PPFIA2: variants seen among roughly 807,000 people sequenced by gnomAD.
The protein encoded by PPFIA2 is liprin-alpha-2.
Under a neutral mutation model 175.5 loss-of-function variants are expected in PPFIA2, and 46 were observed. The observed-to-expected ratio is 0.26, with a 90% CI of 0.21 to 0.34. The LOEUF is 0.34. Among genes scored for constraint, PPFIA2 ranks in the 10% least tolerant of loss-of-function variants. PPFIA2 has a pLI of 1.00. For synonymous variants in PPFIA2, 568 were observed against 511.4 expected, an observed-to-expected ratio of 1.11 and a Z score of -1.49; for missense variants, 1,179 against 1,506.1, an observed-to-expected ratio of 0.78 and a Z score of 3.60.
chr12:81,688,499 A>T (rs2074750842), intron 3 of PPFIA2, among the ~76,000 whole-genome samples: 1 of 151,842 alleles, frequency 6.6e-6, no homozygotes. Flanking sequence ...ATCTGACACA[A>T]AATGCAAACA....
intron 3 of PPFIA2, among the ~76,000 whole-genome samples, chr12:81,692,385 A>AAT (rs1460139217): frequency 1.3e-5 from 2 of 152,126 alleles, no homozygotes; most frequent in African/African-American, 4.8e-5. Context: ...TCCTACCCAC[A>AAT]GATATTATGA....
chr12:81,566,672 A>G (rs1220420023), intron 4 of PPFIA2, among the ~76,000 whole-genome samples: 17 of 152,132 alleles, frequency 1.1e-4, no homozygotes. Context: ...CACATTTTTC[A>G]AGTTTCCGTA....
chr12:81,268,165 G>A (rs2037944688), intron 28 of PPFIA2, 78 bp from the exon 29 acceptor site: 3 of 991,426 alleles, frequency 3.0e-6, no homozygotes, highest in Admixed American at 3.4e-5. Context: ...TTGAGACGGA[G>A]ACTCGCTCTG....
intron 4 of PPFIA2, among the ~76,000 whole-genome samples, chr12:81,564,686 C>T (rs991590019): frequency 2.0e-5 from 3 of 152,122 alleles, no homozygotes; most frequent in Non-Finnish European, 4.4e-5. Flanking sequence ...TGACCCTATA[C>T]CTAATACCTT....
chr12:81,647,820 T>A (rs1246077461), intron 4 of PPFIA2, among the ~76,000 whole-genome samples: 1 of 141,012 alleles, frequency 7.1e-6, no homozygotes, highest in Non-Finnish European at 1.5e-5. Context: ...TACTATAAAA[T>A]ATATAGTATA....
At chr12:81,560,978 A>G (rs2069936112) in intron 4 of PPFIA2, among the ~76,000 whole-genome samples, 1 of 152,162 alleles carries the variant, frequency 6.6e-6, no homozygotes, top group Non-Finnish European at 1.5e-5. Flanking sequence ...TTTTAAATCA[A>G]TGAGCTTTGT....
At chr12:81,427,044 T>G (rs965715483) in intron 7 of PPFIA2, among the ~76,000 whole-genome samples, 6 of 152,168 alleles carry the variant, frequency 3.9e-5, no homozygotes, top group African/African-American at 1.2e-4. Flanking sequence ...ATTAATTGAT[T>G]GAATACATGC....
At chr12:81,692,146 G>A (rs1458012996) in intron 3 of PPFIA2, among the ~76,000 whole-genome samples, 2 of 135,504 alleles carry the variant, frequency 1.5e-5, no homozygotes, top group Admixed American at 7.5e-5. Flanking sequence ...AACCTGTCTG[G>A]GGGAAGTTGC....
At chr12:81,736,891 T>TC (rs2081648168) in intron 3 of PPFIA2, among the ~76,000 whole-genome samples, 2 of 151,868 alleles carry the variant, frequency 1.3e-5, no homozygotes, top group Admixed American at 6.6e-5. Context: ...TACAGACATG[T>TC]ACCACCACAC....
Position 81,262,963 on chromosome 12 carries a change from C to T in PPFIA2, c.3715+268G>A, listed in dbSNP as rs147427243. ...AAGACTAAAGAAACACAAATCCTGC[C>T]GATGTTTATTGTTCCTCCTAGAGGT... On this transcript the variant is annotated intron_variant, in intron 31 of 32. Transcript: ENST00000549396. Among the ~76,000 whole-genome samples, 342 of 152,234 alleles carry T rather than the reference C, an allele frequency of 2.2e-3. 1 individual carries two copies. The highest frequency in any genetic ancestry group is 7.8e-3 in the African/African-American group (325 of 41,542).
chr12:81,285,259 GT>G (rs1310476397), intron 24 of PPFIA2, among the ~76,000 whole-genome samples: 1 of 151,956 alleles, frequency 6.6e-6, no homozygotes, highest in Non-Finnish European at 1.5e-5. Flanking sequence ...ACATTGCAAG[GT>G]TTTCCAAGCA....
intron 4 of PPFIA2, among the ~76,000 whole-genome samples, chr12:81,550,797 C>A (rs1220643380): frequency 1.3e-5 from 2 of 151,684 alleles, no homozygotes; most frequent in African/African-American, 2.4e-5. Context: ...AGGGGGAAGA[C>A]CAGTGGACTA....
chr12:81,591,829 A>G (rs2058709582), intron 4 of PPFIA2, among the ~76,000 whole-genome samples: 1 of 152,134 alleles, frequency 6.6e-6, no homozygotes, highest in Non-Finnish European at 1.5e-5. Context: ...GTCCTCATGG[A>G]GAACCTCTGC....
At chr12:81,612,810 G>A (rs1201746142) in intron 4 of PPFIA2, among the ~76,000 whole-genome samples, 1 of 152,164 alleles carries the variant, frequency 6.6e-6, no homozygotes, top group Non-Finnish European at 1.5e-5. Flanking sequence ...GTATGTATAT[G>A]TGTGAACATT....
intron 22 of PPFIA2, among the ~76,000 whole-genome samples, chr12:81,318,205 A>C (rs897051008): frequency 1.3e-5 from 2 of 151,638 alleles, no homozygotes. Flanking sequence ...GTGTCATCTC[A>C]CTAGTATGGT....
At chr12:81,334,992 T>C (rs551351332) in intron 21 of PPFIA2, among the ~76,000 whole-genome samples, 2 of 152,310 alleles carry the variant, frequency 1.3e-5, no homozygotes, top group South Asian at 4.1e-4. Context: ...GCCTTTGGTG[T>C]CCTAACTACC....
At chr12:81,505,396 CAA>C (rs2061047990) in intron 4 of PPFIA2, among the ~76,000 whole-genome samples, 1 of 152,038 alleles carries the variant, frequency 6.6e-6, no homozygotes, top group South Asian at 2.1e-4. Flanking sequence ...TTCATCTTGG[CAA>C]AGACATAGAA....
At chr12:81,713,906 A>C (rs1203874367) in intron 3 of PPFIA2, among the ~76,000 whole-genome samples, 2 of 151,272 alleles carry the variant, frequency 1.3e-5, no homozygotes, top group Non-Finnish European at 2.9e-5. Context: ...GTTAGTAATA[A>C]ATGCTGTTGA....
chr12:81,554,909 C>T (rs1025790282), intron 4 of PPFIA2, among the ~76,000 whole-genome samples: 3 of 152,000 alleles, frequency 2.0e-5, no homozygotes, highest in Admixed American at 1.3e-4. Context: ...CTCTCAGTAA[C>T]AGAGATGAGT....
Sources: allele counts gnomAD v4.1 joint callset (sites outside exome capture counted in the v4.1 genomes callset), GRCh38; gene constraint gnomAD v4.1.1; transcripts MANE v1.5; gene names NCBI Gene and HGNC (gene_info 2026-07-23, HGNC 2026-07-21).